The following ABI2 variants were observed in gnomAD, a reference collection of about 807,000 sequenced individuals.
The protein encoded by ABI2 is abl interactor 2, also known as abelson interactor 2.
ABI2 carries 25 observed loss-of-function variants against 59.2 expected under a neutral mutation model. The observed-to-expected ratio is 0.42, with a 90% CI of 0.31 to 0.59. ABI2 has a LOEUF of 0.59. Ranked by LOEUF, ABI2 falls within the 20% of genes least tolerant of loss-of-function variation. ABI2 has a pLI of 0.14. For synonymous variants in ABI2, 213 were observed against 235.5 expected (o/e 0.90, Z 0.87); for missense variants, 545 against 681.8 (o/e 0.80, Z 2.23).
At chr2:203,397,451 A>C (rs2097050809) in intron 8 of ABI2, among the ~76,000 whole-genome samples, 1 of 152,228 alleles carries the variant, frequency 6.6e-6, no homozygotes, top group Non-Finnish European at 1.5e-5. Flanking sequence ...GGACTTTTAA[A>C]GAATTTCAGG....
chr2:203,371,516 G>C (rs1346519066), intron 2 of ABI2, among the ~76,000 whole-genome samples: 1 of 152,084 alleles, frequency 6.6e-6, no homozygotes, highest in Non-Finnish European at 1.5e-5. Context: ...ATTAGGGTTG[G>C]TTCTTAACAT....
At position 203,431,617 on chromosome 2, in the gene ABI2, A is replaced by G. The variant is rs1437773272; in HGVS notation, c.*4265A>G. ...GAGAGAGCCTTATAAAAGTGATTAA[A>G]TGGAGGCATTGAGCTCATTACCTTT... On this transcript the variant is annotated 3_prime_UTR_variant, in exon 12 of 12. Coordinates refer to ENST00000261018, the MANE Select transcript of ABI2 (RefSeq NM_001375670.1). 1 of 151,960 alleles carries G rather than the reference A, an allele frequency of 6.6e-6. No homozygotes were observed. Among genetic ancestry groups the G allele is most frequent in the Non-Finnish European group, 1.5e-5 (1 of 67,984 alleles). 9.4% of individuals were successfully genotyped at this position (151,960 alleles called of 1,614,324 possible).
chr2:203,375,338 T>A (rs532739836), intron 2 of ABI2, among the ~76,000 whole-genome samples: 3 of 152,356 alleles, frequency 2.0e-5, no homozygotes, highest in Admixed American at 1.3e-4. Flanking sequence ...GCAGAACACA[T>A]TTTTTACTTG....
intron 1 of ABI2, among the ~76,000 whole-genome samples, chr2:203,341,089 T>C (rs1294497912): frequency 2.0e-5 from 3 of 152,200 alleles, no homozygotes; most frequent in African/African-American, 7.2e-5. Context: ...TCCTTCAAGC[T>C]TTTGCTGATA....
At chr2:203,352,346 A>T (rs2089292350) in intron 1 of ABI2, among the ~76,000 whole-genome samples, 1 of 152,000 alleles carries the variant, frequency 6.6e-6, no homozygotes, top group African/African-American at 2.4e-5. Flanking sequence ...CCTACTTATT[A>T]AAAAAAAGTT....
chr2:203,398,062 T>C (rs1465081770), intron 8 of ABI2, among the ~76,000 whole-genome samples: 2 of 152,248 alleles, frequency 1.3e-5, no homozygotes, highest in Non-Finnish European at 2.9e-5. Context: ...GTGAAGAACT[T>C]CATGGCATTT....
At chr2:203,375,530 G>A (rs185555048) in intron 2 of ABI2, among the ~76,000 whole-genome samples, 127 of 152,264 alleles carry the variant, frequency 8.3e-4, no homozygotes, top group African/African-American at 3.1e-3. Flanking sequence ...ACATTGTAAT[G>A]TCAAAGAATA....
intron 11 of ABI2, among the ~76,000 whole-genome samples, chr2:203,423,958 TAGA>T (rs1037022463): frequency 6.6e-6 from 1 of 152,242 alleles, no homozygotes; most frequent in South Asian, 2.1e-4. Context: ...CAGAAACATT[TAGA>T]AGAACAATGT....
In ABI2 at chr2:203,391,048, G is replaced by A; in HGVS notation, c.483G>A (p.Val161=). 1 of 1,613,364 alleles carries A rather than the reference G, an allele frequency of 6.2e-7. No individual in the cohort carries two copies. The highest frequency in any genetic ancestry group is 8.5e-7 in the Non-Finnish European group (1 of 1,179,634). ...HGVKWLLRFK[V]STQNMKMGGL... ...GAGTTTTCCTTAAAATTTTTTAGGT[G>A]AGTACCCAGAACATGAAGATGGGTG... The change falls in exon 5 of 12, where the codon GTG becomes GTA. Residue 161 remains valine, a splice_region_variant and synonymous_variant. Coordinates refer to ENST00000261018, the MANE Select transcript of ABI2 (RefSeq NM_001375670.1).
chr2:203,388,684 A>AAAT (rs757094732), intron 4 of ABI2, among the ~76,000 whole-genome samples: 103 of 151,984 alleles, frequency 6.8e-4, no homozygotes, highest in Non-Finnish European at 8.5e-4. Flanking sequence ...CTGTCTTAAA[A>AAAT]AATAATAATA....
chr2:203,402,710 G>A lies in ABI2; in HGVS notation c.1168G>A (p.Gly390Arg). Residue 390 changes from glycine to arginine, a missense_variant, in exon 9 of 12, where the codon GGA becomes AGA. Gly to Arg is a moderately radical substitution (Grantham distance 125). Around this residue, in one of 4 missense-constraint regions of ABI2, gnomAD observed 410 missense variants for 435.6 expected, o/e 0.94. Coordinates refer to ENST00000261018, the MANE Select transcript of ABI2 (RefSeq NM_001375670.1). ...AAGCCTTCAGAATCAGATGAATGGA[G>A]GACCTTTTTATAGCCAGAATCCAGG... ...QTSLQNQMNG[G>R]PFYSQNPVSL... 6.3e-7 allele frequency: 1 copy of A among 1,596,266 alleles called. No homozygotes were observed.
chr2:203,330,484 A>G (rs2072496328), intron 1 of ABI2, among the ~76,000 whole-genome samples: 1 of 151,968 alleles, frequency 6.6e-6, no homozygotes, highest in Non-Finnish European at 1.5e-5. Context: ...GGTGGATGGT[A>G]CATACCTAGT....
At chr2:203,378,390 C>T (rs1248943752) in intron 2 of ABI2, among the ~76,000 whole-genome samples, 4 of 152,262 alleles carry the variant, frequency 2.6e-5, no homozygotes, top group East Asian at 1.9e-4. Context: ...GGATTATAGG[C>T]GTGAGCCACC....
At chr2:203,403,500 G>T (rs1358603948) in intron 9 of ABI2, 1 of 154,664 alleles carries the variant, frequency 6.5e-6, no homozygotes, top group African/African-American at 2.4e-5. Flanking sequence ...TGTCTCTGTG[G>T]CTGTGACCTA....
In ABI2 at chr2:203,428,308, G is replaced by A. The variant is rs928511841; in HGVS notation, c.*956G>A. 6.6e-6 allele frequency: 1 copy of A among 152,532 alleles called. No individual in the cohort carries two copies. Among genetic ancestry groups the A allele is most frequent in the Non-Finnish European group, 1.5e-5 (1 of 68,008 alleles). 9.4% of individuals were successfully genotyped at this position (152,532 alleles called of 1,614,324 possible). On this transcript the variant is annotated 3_prime_UTR_variant, in exon 12 of 12. Transcript: ENST00000261018. ...CATTTCCTTCACTATCTAGAAAAAC[G>A]CTATTCTACTTTGGAAGAGAATAGT...
chr2:203,401,928 G>C (rs1464616434), intron 8 of ABI2, among the ~76,000 whole-genome samples: 1 of 151,988 alleles, frequency 6.6e-6, no homozygotes, highest in Non-Finnish European at 1.5e-5. Flanking sequence ...AGTTTTCAGT[G>C]TTCAGTGGCT....
intron 10 of ABI2, among the ~76,000 whole-genome samples, chr2:203,412,249 A>G (rs374024818): frequency 1.4e-4 from 22 of 152,194 alleles, no homozygotes; most frequent in Middle Eastern, 3.2e-3. Context: ...TGTAAGCTCT[A>G]TAAGAGCAAG....
intron 4 of ABI2, chr2:203,383,308 A>G (rs913309884): frequency 1.3e-5 from 2 of 154,748 alleles, no homozygotes; most frequent in Non-Finnish European, 1.5e-5. Context: ...GTTGGTTCCA[A>G]ATCCTCAGTC....
chr2:203,408,866 C>G (rs2097542989), intron 9 of ABI2, among the ~76,000 whole-genome samples: 2 of 77,706 alleles, frequency 2.6e-5, no homozygotes, highest in Non-Finnish European at 5.6e-5. Flanking sequence ...GAGTCTCGCT[C>G]TGTCGCCCAG....
Sources: allele counts gnomAD v4.1 joint callset (sites outside exome capture counted in the v4.1 genomes callset), GRCh38; gene constraint gnomAD v4.1.1; regional missense constraint gnomAD v4.1.1; transcripts MANE v1.5; gene names NCBI Gene and HGNC (gene_info 2026-07-23, HGNC 2026-07-21).